The following TK1 variants were observed in gnomAD, a reference collection of about 807,000 sequenced individuals.
TK1 encodes the protein thymidine kinase, cytosolic.
TK1 carries 13 observed loss-of-function variants against 22.4 expected under a neutral mutation model. That is an observed-to-expected ratio of 0.58 (90% CI 0.38 to 0.92). TK1 has a LOEUF of 0.92. TK1 is among the 40% of genes least tolerant of loss of function. The pLI, the probability that TK1 is intolerant of heterozygous loss-of-function variation, is 0.00. For synonymous variants in TK1, 134 were observed against 125.4 expected (o/e 1.07, Z -0.46); for missense variants, 251 against 315.7 (o/e 0.80, Z 1.55).
chr17:78,184,901 G>C (rs537118593), intron 3 of TK1, among the ~76,000 whole-genome samples, 154 bp downstream of exon 3: 1 of 152,092 alleles, frequency 6.6e-6, no homozygotes, highest in Non-Finnish European at 1.5e-5. Context: ...GGAGTGGAGA[G>C]TGTGCGCTAC....
intron 4 of TK1, among the ~76,000 whole-genome samples, 169 bp downstream of exon 4, chr17:78,182,420 A>G (rs954447755): frequency 6.6e-6 from 1 of 151,978 alleles, no homozygotes; most frequent in African/African-American, 2.4e-5. Flanking sequence ...CTATGACACT[A>G]TGACAGGGAA....
rs776233582 is a variant in TK1 at position 78,182,626 on chromosome 17, A to T, written c.266T>A (p.Leu89Gln). 1 of 1,596,208 alleles carries T rather than the reference A, an allele frequency of 6.3e-7. No homozygotes were observed. Among genetic ancestry groups the T allele is most frequent in the East Asian group, 2.3e-5 (1 of 44,256 alleles). Residue 89 changes from leucine (L) to glutamine (Q), a missense_variant, in exon 4 of 7, where the codon CTG becomes CAG. Transcript: ENST00000301634. The part of the protein sequence containing the change: ...CLLRDVAQEA[L>Q]GVAVIGIDEG... Reference sequence around the variant, plus strand: ...GTCGATGCCTATGACAGCCACGCCCAGGGCCTCCTGGGCCACGTCTCGGAG... The same window carrying T: ...GTCGATGCCTATGACAGCCACGCCCTGGGCCTCCTGGGCCACGTCTCGGAG...
Position 78,175,225 on chromosome 17 carries a change from C to CATTTTTTTTTTTTTTTTTT in TK1, c.394-57_394-56insAAAAAAAAAAAAAAAAAAT. 4.5e-6 allele frequency: 7 copies of CATTTTTTTTTTTTTTTTTT among 1,558,722 alleles called. No homozygotes were observed. In the East Asian group the frequency reaches 7.2e-5, roughly 16 times the overall value. ...CAGCCACCTTACCAGGTGGGTTTTT[C>CATTTTTTTTTTTTTTTTTT]TTTTAAACCCTCTGATTCACAAGCA... On this transcript the variant is annotated intron_variant, in intron 5 of 6. Coordinates refer to ENST00000301634, the MANE Select transcript of TK1 (RefSeq NM_003258.5).
At chr17:78,175,310 C>A in intron 5 of TK1, 141 bp from the exon 6 acceptor site, 1 of 1,296,694 alleles carries the variant, frequency 7.7e-7, no homozygotes, top group Non-Finnish European at 1.0e-6. Context: ...GAGCACCATG[C>A]CCGGCTCTGT....
intron 4 of TK1, chr17:78,179,726 C>G: frequency 1.0e-6 from 1 of 985,378 alleles, no homozygotes; most frequent in Non-Finnish European, 1.2e-6. Flanking sequence ...GTAGAGACCT[C>G]GAAGCACTCA....
Position 78,174,310 on chromosome 17 carries a change from G to A in TK1, c.*449C>T. On this transcript the variant is annotated 3_prime_UTR_variant, in exon 7 of 7. Coordinates refer to ENST00000301634, the MANE Select transcript of TK1 (RefSeq NM_003258.5). The stretch of plus-strand genomic sequence containing the variant: ...GGGCGTGAATCCAGGCCATCCTCAG[G>A]GGAGGGTGGGAGCCCATCCCAGGCA... 1 of 159,546 alleles carries A rather than the reference G, an allele frequency of 6.3e-6. No individual in the cohort carries two copies. The highest frequency in any genetic ancestry group is 1.4e-5 in the Non-Finnish European group (1 of 73,102). 9.9% of individuals were successfully genotyped at this position (159,546 alleles called of 1,614,324 possible).
At chr17:78,176,942 A>C (rs2075704741) in intron 4 of TK1, among the ~76,000 whole-genome samples, 1 of 152,154 alleles carries the variant, frequency 6.6e-6, no homozygotes, top group Admixed American at 6.5e-5. Context: ...TCCTGAGTTG[A>C]GAACCTTGCT....
chr17:78,186,129 G>GGGGC (rs1555602984), intron 2 of TK1, among the ~76,000 whole-genome samples: 1 of 126,106 alleles, frequency 7.9e-6, no homozygotes, highest in African/African-American at 3.7e-5. Flanking sequence ...GGGTGGAGGC[G>GGGGC]GGGGGGTGCA....
intron 5 of TK1, 127 bp downstream of exon 5, chr17:78,175,402 C>G (rs979846017): frequency 7.8e-5 from 86 of 1,101,928 alleles, no homozygotes; most frequent in Non-Finnish European, 9.8e-5. Context: ...TCAGCCAAGG[C>G]CTGAGCAGCT....
chr17:78,178,387 T>C (rs995270912), intron 4 of TK1, among the ~76,000 whole-genome samples: 1 of 152,126 alleles, frequency 6.6e-6, no homozygotes, highest in Non-Finnish European at 1.5e-5. Context: ...TGAGCACCTG[T>C]GTGTCTCGCC....
At position 78,175,542 on chromosome 17, in the gene TK1, G is replaced by C. The variant is rs752422875; in HGVS notation, c.380C>G (p.Thr127Ser). 1.9e-6 allele frequency: 3 copies of C among 1,613,478 alleles called. No homozygotes were observed. In the South Asian group the frequency reaches 3.3e-5, roughly 18 times the overall value. Residue 127 changes from threonine (T) to serine (S), a missense_variant, in exon 5 of 7, where the codon ACC becomes AGC. Transcript: ENST00000301634. ...CAGACGCCTTACCTTCCTCTGGAAG[G>C]TCCCATCCAGTGCAGCCACAATTAC... Reference protein sequence around the residue: ...KTVIVAALDGTFQRKPFGAIL... With the variant: ...KTVIVAALDGSFQRKPFGAIL...
intron 2 of TK1, among the ~76,000 whole-genome samples, chr17:78,185,699 T>G (rs1001425163): frequency 2.8e-5 from 4 of 144,494 alleles, no homozygotes; most frequent in Admixed American, 6.8e-5. Context: ...TAATTTTTGG[T>G]TTTTTTTTTC....
chr17:78,186,649 C>T, intron 2 of TK1, 138 bp downstream of exon 2: 1 of 883,542 alleles, frequency 1.1e-6, no homozygotes, highest in African/African-American at 2.0e-5. Flanking sequence ...GGAGGCTGTG[C>T]TGGTCCTTCT....
chr17:78,187,148 C>T, upstream of TK1: 1 of 977,876 alleles, frequency 1.0e-6, no homozygotes, highest in Non-Finnish European at 1.6e-6. Flanking sequence ...GGCCGCTGAC[C>T]TGGCGGGAGA....
At chr17:78,180,900 G>A (rs1226001483) in intron 4 of TK1, among the ~76,000 whole-genome samples, 1 of 152,218 alleles carries the variant, frequency 6.6e-6, no homozygotes, top group Non-Finnish European at 1.5e-5. Context: ...ACATTAGAGA[G>A]ATGGCGGCCT....
rs767123124 is a variant in TK1, at chr17:78,174,739, G to T, written c.*20C>A. 6.4e-7 allele frequency: 1 copy of T among 1,564,798 alleles called. No individual in the cohort carries two copies. The highest frequency in any genetic ancestry group is 8.6e-7 in the Non-Finnish European group (1 of 1,156,440). ...TAGGCGGCAGTGGCAGGAAGGGAGC[G>T]GGCGGCCCTCGCAGGTCCCTCAGTT... is the stretch of plus-strand genomic sequence containing the variant. On this transcript the variant is annotated 3_prime_UTR_variant, in exon 7 of 7. Transcript: ENST00000301634.
At chr17:78,175,876 A>G (rs566752139) in intron 4 of TK1, among the ~76,000 whole-genome samples, 1 of 152,184 alleles carries the variant, frequency 6.6e-6, no homozygotes, top group Non-Finnish European at 1.5e-5. Flanking sequence ...CCCAGGACTC[A>G]GCACCGGACT....
At position 78,174,847 on chromosome 17, in the gene TK1, C is replaced by A. The variant is rs570323161; in HGVS notation, c.617G>T (p.Cys206Phe). Residue 206 changes from cysteine (C) to phenylalanine (F), a missense_variant, in exon 7 of 7, where the codon TGC (cysteine) becomes TTC (phenylalanine). Cys to Phe is a radical substitution (Grantham distance 205, BLOSUM62 -2). Transcript: ENST00000301634. ...QPAGPDNKEN[C>F]PVPGKPGEAV... ...TTCCCCTGGCTTTCCTGGCACTGGG[C>A]AGTTCTCTTTGTTGTCCGGCCCGGC... The A allele has an allele frequency of 1.9e-5, 31 of 1,613,690 alleles. No individual in the cohort carries two copies. In the African/African-American group the frequency reaches 3.9e-4, roughly 20 times the overall value.
At chr17:78,184,293 T>C (rs2075763165) in intron 3 of TK1, among the ~76,000 whole-genome samples, 1 of 152,186 alleles carries the variant, frequency 6.6e-6, no homozygotes, top group Admixed American at 6.6e-5. Flanking sequence ...TGCACAGCCA[T>C]AGCAACTCTC....
Sources: allele counts gnomAD v4.1 joint callset (sites outside exome capture counted in the v4.1 genomes callset), GRCh38; gene constraint gnomAD v4.1.1; transcripts MANE v1.5; gene names NCBI Gene and HGNC (gene_info 2026-07-23, HGNC 2026-07-21).